PIK3C2G: variants seen among roughly 807,000 people sequenced by gnomAD.
PIK3C2G encodes the protein phosphatidylinositol 3-kinase C2 domain-containing subunit gamma.
Under a neutral mutation model 181.1 loss-of-function variants are expected in PIK3C2G, and 168 were observed. The observed-to-expected ratio is 0.93, with a 90% CI of 0.82 to 1.05. PIK3C2G has a LOEUF of 1.05. Among genes scored for constraint, PIK3C2G ranks in the 50% least tolerant of loss-of-function variants. PIK3C2G has a pLI of 0.00. For synonymous variants in PIK3C2G, 573 were observed against 592.2 expected (o/e 0.97, Z 0.47); for missense variants, 1,869 against 1,732.8 (o/e 1.08, Z -1.40).
chr12:18,370,811 T>G (rs1222479442), intron 12 of PIK3C2G, among the ~76,000 whole-genome samples: 1 of 152,116 alleles, frequency 6.6e-6, no homozygotes, highest in Admixed American at 6.6e-5. Context: ...TATAGCTAAC[T>G]TAAACCTTGA....
In PIK3C2G at chr12:18,647,883, A is replaced by G. The variant is rs1477450964; in HGVS notation, c.4316A>G (p.Tyr1439Cys). The change falls in exon 33 of 33, where the codon TAT (tyrosine) becomes TGT (cysteine). Residue 1439 changes from tyrosine (Y) to cysteine (C), a missense_variant. Coordinates refer to ENST00000538779, the MANE Select transcript of PIK3C2G (RefSeq NM_001288772.2). ...TATTTTCTCCGTTTTTAGGTAGTAT[A>G]TGATGAAGTCACAGAGCTCCAAGGA... ...TDPTYNEIVV[Y>C]DEVTELQGHV... The G allele has an allele frequency of 1.3e-6, 2 of 1,546,456 alleles. No homozygotes were observed. The highest frequency in any genetic ancestry group is 1.8e-6 in the Non-Finnish European group (2 of 1,142,060).
intron 12 of PIK3C2G, 160 bp downstream of exon 12, chr12:18,363,046 G>T: frequency 2.0e-6 from 1 of 505,482 alleles, no homozygotes; most frequent in Admixed American, 3.9e-5. Flanking sequence ...ATAACTGATT[G>T]TTCAATTCAA....
intron 8 of PIK3C2G, among the ~76,000 whole-genome samples, chr12:18,334,329 A>C (rs968781744): frequency 7.9e-5 from 12 of 152,140 alleles, no homozygotes; most frequent in African/African-American, 2.9e-4. Flanking sequence ...GAACCTTTCT[A>C]GGTGTGCAAC....
At position 18,595,912 on chromosome 12, in the gene PIK3C2G, C is replaced by T. The variant is rs74739861; in HGVS notation, c.4087+1343C>T. ...AGCAGAATATGGTCTTTGCTATACA[C>T]GCCTAGAATGTTATTTCTTCAAAAC... On this transcript the variant is annotated intron_variant, in intron 30 of 32. Coordinates refer to ENST00000538779, the MANE Select transcript of PIK3C2G (RefSeq NM_001288772.2). Among the ~76,000 whole-genome samples, 353 of 152,192 alleles carry T rather than the reference C, an allele frequency of 2.3e-3. 1 individual carries two copies. Among genetic ancestry groups the T allele is most frequent in the African/African-American group, 8.1e-3 (335 of 41,530 alleles).
At chr12:18,259,107 T>C (rs1162857580), upstream of PIK3C2G, among the ~76,000 whole-genome samples, 3 of 152,096 alleles carry the variant, frequency 2.0e-5, no homozygotes, top group Non-Finnish European at 4.4e-5. Context: ...GGTCACTCTA[T>C]TAGGCAACAG....
intron 8 of PIK3C2G, 117 bp from the exon 9 acceptor site, chr12:18,338,309 C>A (rs1199997904): frequency 6.4e-6 from 5 of 776,586 alleles, no homozygotes; most frequent in Non-Finnish European, 1.0e-5. Context: ...TGTGTGAAAG[C>A]AAACAAGCAT....
At chr12:18,614,691 T>C (rs1027063478) in intron 31 of PIK3C2G, among the ~76,000 whole-genome samples, 14 of 152,160 alleles carry the variant, frequency 9.2e-5, no homozygotes. Context: ...TAAGAAATTT[T>C]ATCCAGTCTT....
chr12:18,609,493 C>A, intron 30 of PIK3C2G, 42 bp from the exon 31 acceptor site: 2 of 1,193,166 alleles, frequency 1.7e-6, no homozygotes, highest in Non-Finnish European at 2.4e-6. Flanking sequence ...CTGTGCTGAG[C>A]TTTTTCCAAC....
intron 6 of PIK3C2G, among the ~76,000 whole-genome samples, chr12:18,319,229 T>C (rs748949602): frequency 5.9e-5 from 9 of 152,216 alleles, no homozygotes; most frequent in Non-Finnish European, 1.2e-4. Flanking sequence ...ATCTCAAATT[T>C]GGTCAAAAGT....
chr12:18,358,381 T>C (rs55634769), intron 11 of PIK3C2G: 23,384 of 162,186 alleles, frequency 0.14, 2,203 homozygotes, highest in Admixed American at 0.27. Context: ...TGTCTAATAA[T>C]TTATGATCAT....
chr12:18,315,329 A>C (rs1477461583), intron 6 of PIK3C2G, among the ~76,000 whole-genome samples: 1 of 152,148 alleles, frequency 6.6e-6, no homozygotes, highest in Non-Finnish European at 1.5e-5. Context: ...CCAGGAAAAA[A>C]AATGTTATAA....
At chr12:18,429,577 A>G (rs1047841555) in intron 18 of PIK3C2G, among the ~76,000 whole-genome samples, 15 of 152,028 alleles carry the variant, frequency 9.9e-5, no homozygotes, top group African/African-American at 3.6e-4. Flanking sequence ...CCTTGACACC[A>G]CTGCTGCCCT....
At chr12:18,612,122 C>T (rs1021116408) in intron 31 of PIK3C2G, among the ~76,000 whole-genome samples, 2 of 152,068 alleles carry the variant, frequency 1.3e-5, no homozygotes, top group East Asian at 1.9e-4. Flanking sequence ...TCAGTCACTC[C>T]GTGCCAGCCT....
chr12:18,601,488 GGA>G (rs1170530297), intron 30 of PIK3C2G, among the ~76,000 whole-genome samples: 2 of 152,180 alleles, frequency 1.3e-5, no homozygotes, highest in East Asian at 3.9e-4. Flanking sequence ...AAGGAGAGAT[GGA>G]GAGAGATTTT....
chr12:18,623,334 G>A (rs549316186), intron 31 of PIK3C2G, among the ~76,000 whole-genome samples: 1 of 151,768 alleles, frequency 6.6e-6, no homozygotes, highest in East Asian at 1.9e-4. Context: ...TGTCACTCTT[G>A]TTGATCAATT....
chr12:18,545,928 A>G (rs1168361446), intron 25 of PIK3C2G, among the ~76,000 whole-genome samples: 2 of 151,902 alleles, frequency 1.3e-5, no homozygotes, highest in Non-Finnish European at 2.9e-5. Context: ...CTTATTTTAT[A>G]TCTATTTTAA....
intron 31 of PIK3C2G, among the ~76,000 whole-genome samples, chr12:18,635,485 A>G (rs192753367): frequency 3.3e-4 from 50 of 152,324 alleles, no homozygotes; most frequent in African/African-American, 1.1e-3. Context: ...ACACGGCGAC[A>G]TGGTGGCCCA....
the PIK3C2G span, among the ~76,000 whole-genome samples, chr12:18,689,330 T>A: frequency 6.6e-6 from 1 of 151,974 alleles, no homozygotes; most frequent in Non-Finnish European, 1.5e-5. Flanking sequence ...GAAAACTGAA[T>A]GAGAATTTAG....
the PIK3C2G span, among the ~76,000 whole-genome samples, chr12:18,702,265 A>T: frequency 1.3e-5 from 2 of 151,964 alleles, no homozygotes; most frequent in Non-Finnish European, 2.9e-5. Context: ...AGGCTCTTCA[A>T]ATTTCTTCTG....
Sources: gnomAD v4.1 joint callset for allele counts (sites outside exome capture counted in the v4.1 genomes callset) on GRCh38, gnomAD v4.1.1 for gene constraint, MANE v1.5 for transcripts, NCBI Gene and HGNC (gene_info 2026-07-23, HGNC 2026-07-21) for gene names.